The following GTPBP6 variants were observed in gnomAD, a reference collection of about 807,000 sequenced individuals.
GTPBP6 encodes putative GTP-binding protein 6.
In GTPBP6, 33 loss-of-function variants were observed where a neutral mutation model predicts 28.9. The observed-to-expected ratio is 1.14, with a 90% CI of 0.87 to 1.53. The LOEUF (loss-of-function observed/expected upper bound fraction) is 1.53. Among genes scored for constraint, GTPBP6 ranks in the 40% most tolerant of loss-of-function variants. GTPBP6 has a pLI of 0.00. For missense variants in GTPBP6, 507 were observed against 408.3 expected, an observed-to-expected ratio of 1.24 and a Z score of -2.08; for synonymous variants, 231 against 192.7, an observed-to-expected ratio of 1.20 and a Z score of -1.65.
In GTPBP6 at chrX:315,212, G is replaced by A. The variant is rs2070407350; in HGVS notation, c.558+17C>T. ...TGGAGTGCGGGGACAAACACAGCAA[G>A]CCACATCCTGTGGTACCTTGGTCGG... On this transcript the variant is annotated intron_variant, in intron 3 of 9. Transcript: ENST00000326153. 3 of 398,556 alleles carry A rather than the reference G, an allele frequency of 7.5e-6. No homozygotes were observed. The highest frequency in any genetic ancestry group is 1.3e-5 in the Non-Finnish European group (3 of 226,124). The allele number at this position is 398,556 out of a possible 1,614,324, so 24.7% of individuals were successfully genotyped here.
chrX:316,810 G>A (rs1175611172), intron 2 of GTPBP6, 104 bp downstream of exon 2: 5 of 398,916 alleles, frequency 1.3e-5, no homozygotes, highest in Admixed American at 4.4e-5. Context: ...CTTCCCCTCT[G>A]GCCCCGCAAG....
chrX:317,564 G>GGGGT (rs1395144289), intron 1 of GTPBP6, among the ~76,000 whole-genome samples: 24,710 of 94,416 alleles, frequency 0.26, 2,571 homozygotes, highest in Admixed American at 0.28. Flanking sequence ...CTGGGGGGTG[G>GGGGT]GGGGTGGGAC....
intron 7 of GTPBP6, among the ~76,000 whole-genome samples, chrX:309,468 GAA>G (rs1358031050): frequency 3.1e-5 from 4 of 128,222 alleles, no homozygotes; most frequent in Admixed American, 9.2e-5. Flanking sequence ...GTTTACGACA[GAA>G]AGAAAGAGAT....
At chrX:311,449 G>A (rs2070295457) in exon 7 of GTPBP6, 1 of 1,486,138 alleles carries the variant, frequency 6.7e-7, no homozygotes, top group African/African-American at 1.6e-5. Context: ...GGGTGGCGGA[G>A]AAGGACTCGA....
intron 6 of GTPBP6, 92 bp from the exon 7 acceptor site, chrX:311,719 C>T: frequency 9.3e-7 from 1 of 1,071,458 alleles, no homozygotes; most frequent in Non-Finnish European, 1.4e-6. Flanking sequence ...GACCACGGCA[C>T]CCTCTGGGGG....
At chrX:317,530 C>T (rs1320344922) in intron 1 of GTPBP6, among the ~76,000 whole-genome samples, 3 of 123,250 alleles carry the variant, frequency 2.4e-5, no homozygotes, top group Non-Finnish European at 4.7e-5. Context: ...ACACGTGCAG[C>T]GACTTATTCA....
At chrX:317,049 C>T (rs1330576450) in exon 2 of GTPBP6, 2 of 398,414 alleles carry the variant, frequency 5.0e-6, no homozygotes, top group African/African-American at 2.1e-5. Context: ...ACCTGCCACT[C>T]GGCTGCGGGG....
chrX:318,742 G>C (rs2070486238), exon 1 of GTPBP6: 1 of 333,486 alleles, frequency 3.0e-6, no homozygotes, highest in South Asian at 1.4e-4. Context: ...CGGCCCACGC[G>C]GGAGAGCCGC....
chrX:309,426 A>T (rs2070238907), intron 7 of GTPBP6, among the ~76,000 whole-genome samples: 1 of 152,136 alleles, frequency 6.6e-6, no homozygotes, highest in Non-Finnish European at 1.5e-5. Context: ...GGTGGAGCAG[A>T]GTGGGCCTTA....
intron 7 of GTPBP6, among the ~76,000 whole-genome samples, chrX:310,811 T>C (rs1732357394): frequency 6.6e-6 from 1 of 152,016 alleles, no homozygotes; most frequent in Non-Finnish European, 1.5e-5. Context: ...GGCCCCCATT[T>C]GTGGCCCCTT....
intron 7 of GTPBP6, among the ~76,000 whole-genome samples, chrX:309,254 G>A (rs373096531): frequency 1.5e-3 from 224 of 152,230 alleles, no homozygotes; most frequent in African/African-American, 5.1e-3. Context: ...GAAAGTCTAC[G>A]GTACGGATGG....
At position 314,136 on chromosome X, in the gene GTPBP6, C is replaced by A. The variant is rs758524382; in HGVS notation, c.757+14G>T. 4 of 1,608,656 alleles carry A rather than the reference C, an allele frequency of 2.5e-6. No homozygotes were observed. The African/African-American group carries it at 5.4e-5, about 22-fold the overall frequency. ...CCGAGGACCCTCTGGGACGCCGCGC[C>A]CGGCCCGAGTTACCTGACCCCATGA... On this transcript the variant is annotated intron_variant, in intron 5 of 9. Transcript: ENST00000326153.
In GTPBP6 at chrX:307,805, G is replaced by T. The variant is rs376711016; in HGVS notation, c.1201C>A (p.Arg401Ser). 3.2e-6 allele frequency: 5 copies of T among 1,552,690 alleles called. No homozygotes were observed. The African/African-American group carries it at 5.5e-5, about 17-fold the overall frequency. The change falls in exon 8 of 10, where the codon CGT (arginine) becomes AGT (serine). Residue 401 changes from arginine (R) to serine (S), a missense_variant. Coordinates refer to ENST00000326153, the Ensembl canonical transcript of GTPBP6. ...AGCGGGGCGGGCAGCTGCAGGCCAC[G>T]CAGCGTGGACAGAACGCTGCATTTC...
At position 305,384 on chromosome X, in the gene GTPBP6, C is replaced by T. The variant is rs190487642; in HGVS notation, c.1428-187G>A. ...TCGCGTAGGCTGGAGTGCAGTGGCG[C>T]GATCTCAGCTCACTGCAAGCTCCAC... On this transcript the variant is annotated intron_variant, in intron 9 of 9. Transcript: ENST00000326153. 1.0e-4 allele frequency among the ~76,000 whole-genome samples: 15 copies of T among 149,234 alleles called. No individual in the cohort carries two copies. In the East Asian group the frequency reaches 2.0e-3, roughly 20 times the overall value.
At chrX:308,777 C>G (rs2070225696) in intron 7 of GTPBP6, among the ~76,000 whole-genome samples, 1 of 142,196 alleles carries the variant, frequency 7.0e-6, no homozygotes, top group Non-Finnish European at 1.5e-5. Context: ...CTCTGTCACA[C>G]AGGCTGGAGT....
intron 5 of GTPBP6, 121 bp from the exon 6 acceptor site, chrX:313,045 G>T: frequency 2.5e-6 from 2 of 797,090 alleles, no homozygotes; most frequent in South Asian, 1.8e-5. Context: ...CTGGGGGCCC[G>T]GCTGCTTTCC....
At chrX:309,585 C>G (rs9635656) in intron 7 of GTPBP6, among the ~76,000 whole-genome samples, 2 of 152,156 alleles carry the variant, frequency 1.3e-5, no homozygotes, top group African/African-American at 2.4e-5. Flanking sequence ...CCCCTAAATG[C>G]AATGACAGGT....
intron 5 of GTPBP6, among the ~76,000 whole-genome samples, chrX:313,143 G>A (rs1456780870): frequency 5.9e-5 from 9 of 152,220 alleles, no homozygotes; most frequent in Admixed American, 1.3e-4. Context: ...CACCCTGTGA[G>A]GTCAACGAGG....
chrX:315,458 G>C (rs1255134955), intron 2 of GTPBP6, among the ~76,000 whole-genome samples, 159 bp from the exon 3 acceptor site: 2 of 152,126 alleles, frequency 1.3e-5, no homozygotes, highest in African/African-American at 4.8e-5. Flanking sequence ...AAGTCAGCGT[G>C]GGAGGGGGTG....
Sources: allele counts gnomAD v4.1 joint callset (sites outside exome capture counted in the v4.1 genomes callset), GRCh38; gene constraint gnomAD v4.1.1; transcripts MANE v1.5; gene names NCBI Gene and HGNC (gene_info 2026-07-23, HGNC 2026-07-21).